Variants in LRBA observed in about 807,000 individuals in gnomAD.
LRBA encodes the protein LPS responsive beige-like anchor protein, also known as lipopolysaccharide-responsive and beige-like anchor protein.
LRBA carries 176 observed loss-of-function variants against 330.0 expected under a neutral mutation model. That is an observed-to-expected ratio of 0.53 (90% confidence interval 0.47 to 0.60). LRBA has a LOEUF of 0.60. Among genes scored for constraint, LRBA ranks in the 20% least tolerant of loss-of-function variants. LRBA has a pLI of 0.00. For missense variants in LRBA, 3,259 were observed against 3,444.8 expected (o/e 0.95, Z 1.35); for synonymous variants, 1,230 against 1,193.0 (o/e 1.03, Z -0.64).
At chr4:150,596,426 A>G (rs2126494246) in intron 38 of LRBA, among the ~76,000 whole-genome samples, 1 of 152,028 alleles carries the variant, frequency 6.6e-6, no homozygotes, top group East Asian at 1.9e-4. Flanking sequence ...TTTGATAATG[A>G]TAATATAGTT....
intron 40 of LRBA, among the ~76,000 whole-genome samples, chr4:150,565,140 T>C (rs1053261744): frequency 1.3e-4 from 20 of 152,030 alleles, no homozygotes; most frequent in Non-Finnish European, 2.4e-4. Context: ...GATGAAGAAA[T>C]GTGGTACATA....
intron 47 of LRBA, among the ~76,000 whole-genome samples, chr4:150,414,711 G>A (rs757002159): frequency 1.3e-5 from 2 of 151,974 alleles, no homozygotes; most frequent in South Asian, 2.1e-4. Context: ...GGCTGGTCTC[G>A]AACTCCTGAC....
At chr4:150,332,085 A>G (rs1428314535) in intron 48 of LRBA, among the ~76,000 whole-genome samples, 2 of 152,198 alleles carry the variant, frequency 1.3e-5, no homozygotes, top group East Asian at 1.9e-4. Context: ...CATATATATT[A>G]AAGACTTAAC....
chr4:150,658,962 G>A (rs368284501), intron 37 of LRBA, among the ~76,000 whole-genome samples: 1 of 77,556 alleles, frequency 1.3e-5, no homozygotes, highest in Non-Finnish European at 3.2e-5. Flanking sequence ...CGAGTGATCC[G>A]CCAACCTCGG....
chr4:150,800,760 C>T (rs577170582), intron 33 of LRBA, among the ~76,000 whole-genome samples: 1 of 152,272 alleles, frequency 6.6e-6, no homozygotes, highest in South Asian at 2.1e-4. Flanking sequence ...CTCTAAAACT[C>T]TCAGTAGAAT....
At chr4:150,540,772 G>A (rs1765234561) in intron 40 of LRBA, among the ~76,000 whole-genome samples, 1 of 152,134 alleles carries the variant, frequency 6.6e-6, no homozygotes, top group Non-Finnish European at 1.5e-5. Flanking sequence ...AAGCTAAGAA[G>A]GGCCCTGTGT....
intron 47 of LRBA, among the ~76,000 whole-genome samples, chr4:150,365,978 T>C (rs1282150292): frequency 1.3e-5 from 2 of 152,126 alleles, no homozygotes; most frequent in East Asian, 3.8e-4. Context: ...ATTTGGAAAA[T>C]ACCTTAAATA....
intron 2 of LRBA, among the ~76,000 whole-genome samples, chr4:150,997,527 T>A (rs1742799218): frequency 6.6e-6 from 1 of 151,840 alleles, no homozygotes; most frequent in South Asian, 2.1e-4. Context: ...TCAATCTAAA[T>A]GACTAAGAAC....
intron 54 of LRBA, among the ~76,000 whole-genome samples, chr4:150,283,900 T>G (rs1747849082): frequency 1.3e-5 from 2 of 152,202 alleles, no homozygotes; most frequent in African/African-American, 4.8e-5. Context: ...TATCTGTTAT[T>G]CAGTTCCCAC....
chr4:150,743,131 G>A (rs965712798), intron 35 of LRBA, among the ~76,000 whole-genome samples: 23 of 151,908 alleles, frequency 1.5e-4, no homozygotes, highest in Admixed American at 3.9e-4. Context: ...CACCACCCCC[G>A]GCTAATTTTT....
intron 48 of LRBA, among the ~76,000 whole-genome samples, chr4:150,330,416 G>A (rs927103602): frequency 6.6e-6 from 1 of 152,098 alleles, no homozygotes; most frequent in Admixed American, 6.5e-5. Flanking sequence ...ATTTATGTCT[G>A]TCACTACAAC....
chr4:150,350,359 C>A (rs749012411), intron 47 of LRBA, among the ~76,000 whole-genome samples, 200 bp from the exon 48 acceptor site: 3 of 152,152 alleles, frequency 2.0e-5, no homozygotes, highest in Non-Finnish European at 4.4e-5. Flanking sequence ...ACCATGAGGT[C>A]AGGAGTTTGA....
At chr4:150,774,069 T>A (rs1026371722) in intron 34 of LRBA, among the ~76,000 whole-genome samples, 1 of 152,186 alleles carries the variant, frequency 6.6e-6, no homozygotes, top group Non-Finnish European at 1.5e-5. Context: ...TGACATAACA[T>A]AGACATCTTT....
chr4:150,275,326 CTGAA>C (rs2126729816), intron 56 of LRBA, among the ~76,000 whole-genome samples: 1 of 66,870 alleles, frequency 1.5e-5, no homozygotes, highest in Admixed American at 1.7e-4. Context: ...CAATATCATA[CTGAA>C]TGGGCAAAAA....
chr4:150,302,603 T>A, intron 53 of LRBA, 22 bp downstream of exon 53: 2 of 1,573,592 alleles, frequency 1.3e-6, no homozygotes, highest in Non-Finnish European at 1.7e-6. Flanking sequence ...AAAAGTTTAC[T>A]TAAAAAATGA....
intron 40 of LRBA, among the ~76,000 whole-genome samples, chr4:150,547,919 G>A (rs1055776264): frequency 1.3e-5 from 2 of 151,874 alleles, no homozygotes; most frequent in South Asian, 2.1e-4. Context: ...ATAATTTTTC[G>A]CTTTATAAAT....
In LRBA at chr4:150,897,822, T is replaced by A; in HGVS notation, c.1925-4A>T. Reference sequence around the variant, plus strand: ...TTTTGATTAGGTCGCGGTCCATCTTTTAAAAAAATATACACATACACATTT... The same window carrying A: ...TTTTGATTAGGTCGCGGTCCATCTTATAAAAAAATATACACATACACATTT... On this transcript the variant is annotated splice_region_variant and splice_polypyrimidine_tract_variant and intron_variant, in intron 14 of 56. Coordinates refer to ENST00000651943, the MANE Select transcript of LRBA (RefSeq NM_001364905.1). The A allele has an allele frequency of 6.2e-7, 1 of 1,602,566 alleles. No homozygotes were observed. The highest frequency in any genetic ancestry group is 8.5e-7 in the Non-Finnish European group (1 of 1,170,882).
intron 37 of LRBA, among the ~76,000 whole-genome samples, chr4:150,600,760 A>G (rs1308626040): frequency 1.3e-5 from 2 of 152,214 alleles, no homozygotes; most frequent in African/African-American, 4.8e-5. Flanking sequence ...CAGAATATAC[A>G]TACAATCAAA....
intron 41 of LRBA, among the ~76,000 whole-genome samples, chr4:150,488,701 G>A (rs1399966010): frequency 1.3e-5 from 2 of 149,970 alleles, no homozygotes; most frequent in African/African-American, 2.4e-5. Context: ...AGCTACAAGC[G>A]ATCATCTAGA....
Sources: gnomAD v4.1 joint callset for allele counts (sites outside exome capture counted in the v4.1 genomes callset) on GRCh38, gnomAD v4.1.1 for gene constraint, MANE v1.5 for transcripts, NCBI Gene and HGNC (gene_info 2026-07-23, HGNC 2026-07-21) for gene names.